Variants in CEP290 observed in about 807,000 individuals in gnomAD.
CEP290 encodes the protein centrosomal protein of 290 kDa.
CEP290 carries 317 observed loss-of-function variants against 344.9 expected under a neutral mutation model. The ratio of observed to expected loss-of-function variants is 0.92; its 90% CI spans 0.84 to 1.01. The LOEUF is 1.01. CEP290 is among the 50% of genes least tolerant of loss of function. CEP290 has a pLI of 0.00. For synonymous variants in CEP290, 932 were observed against 895.8 expected, an observed-to-expected ratio of 1.04 and a Z score of -0.72; for missense variants, 2,754 against 2,761.4, an observed-to-expected ratio of 1.00 and a Z score of 0.06.
At chr12:88,081,177 G>A (rs1413527253) in intron 37 of CEP290, among the ~76,000 whole-genome samples, 2 of 152,146 alleles carry the variant, frequency 1.3e-5, no homozygotes, top group African/African-American at 2.4e-5. Context: ...TAGCACCCCC[G>A]AGCCATGACA....
intron 13 of CEP290, among the ~76,000 whole-genome samples, chr12:88,124,556 C>T (rs549795824): frequency 2.1e-4 from 32 of 151,974 alleles, no homozygotes; most frequent in African/African-American, 7.5e-4. Flanking sequence ...TACACACACA[C>T]ATATGACATG....
chr12:88,140,854 A>G, intron 3 of CEP290, 102 bp downstream of exon 3: 1 of 687,212 alleles, frequency 1.5e-6, no homozygotes, highest in Non-Finnish European at 2.4e-6. Flanking sequence ...GTGGTGATGT[A>G]GATATTACCA....
intron 22 of CEP290, among the ~76,000 whole-genome samples, chr12:88,109,410 T>A (rs926926598): frequency 2.6e-5 from 4 of 152,168 alleles, no homozygotes; most frequent in Non-Finnish European, 5.9e-5. Flanking sequence ...AATTACCAGA[T>A]TACAAAGTTT....
chr12:88,074,963 A>T (rs1317154279), intron 41 of CEP290, among the ~76,000 whole-genome samples: 2 of 152,174 alleles, frequency 1.3e-5, no homozygotes, highest in East Asian at 3.9e-4. Context: ...ATGTAAGTAA[A>T]TGTTTCCCTG....
chr12:88,066,034 C>T (rs1339618278), intron 44 of CEP290, among the ~76,000 whole-genome samples: 5 of 152,106 alleles, frequency 3.3e-5, no homozygotes, highest in African/African-American at 1.2e-4. Flanking sequence ...GTGGAAGTCT[C>T]AAACTCTTAT....
intron 25 of CEP290, 92 bp from the exon 26 acceptor site, chr12:88,103,103 A>T (rs1010031622): frequency 3.0e-6 from 2 of 668,880 alleles, no homozygotes; most frequent in Non-Finnish European, 4.5e-6. Context: ...AACTTAAAGT[A>T]AAACGAATTT....
intron 41 of CEP290, among the ~76,000 whole-genome samples, chr12:88,073,316 T>C (rs1234746164): frequency 6.6e-6 from 1 of 152,160 alleles, no homozygotes; most frequent in Non-Finnish European, 1.5e-5. Flanking sequence ...TCATGACCCA[T>C]CAGTTGCCAA....
chr12:88,126,848 G>C (rs186517098), intron 11 of CEP290, among the ~76,000 whole-genome samples: 7 of 152,024 alleles, frequency 4.6e-5, no homozygotes, highest in African/African-American at 1.7e-4. Context: ...TCTTTAGCTA[G>C]AAGGACCAAA....
In CEP290 at chr12:88,080,221, C is replaced by T; in HGVS notation, c.5187G>A (p.Arg1729=). The T allele has an allele frequency of 6.2e-7, 1 of 1,612,194 alleles. No individual in the cohort carries two copies. The highest frequency in any genetic ancestry group is 1.1e-5 in the South Asian group (1 of 90,788). Residue 1729 remains arginine (R), a synonymous_variant, in exon 38 of 54, where the codon CGG becomes CGA. Transcript: ENST00000552810. ...PTTTMRNLVE[R]LKSQLALKEK... ...CCTTCAAGGCTAATTGGCTCTTTAG[C>T]CGTTCTACTAGATTTCTCATTGTAG...
At chr12:88,070,934 G>A (rs1178259190) in intron 43 of CEP290, among the ~76,000 whole-genome samples, 1 of 152,060 alleles carries the variant, frequency 6.6e-6, no homozygotes, top group Non-Finnish European at 1.5e-5. Flanking sequence ...CCTATTGTGA[G>A]GTACACAGGC....
intron 1 of CEP290, 104 bp from the exon 2 acceptor site, chr12:88,141,438 G>A: frequency 1.8e-6 from 1 of 545,334 alleles, no homozygotes; most frequent in East Asian, 3.6e-5. Context: ...ACTTTCTGAT[G>A]TTAGCAAAAC....
intron 6 of CEP290, among the ~76,000 whole-genome samples, chr12:88,132,458 A>G (rs1325958533): frequency 6.6e-6 from 1 of 152,220 alleles, no homozygotes; most frequent in African/African-American, 2.4e-5. Context: ...GTGTTGAATC[A>G]ATATTAAAAT....
intron 23 of CEP290, 70 bp downstream of exon 23, chr12:88,108,996 T>C: frequency 1.8e-6 from 1 of 554,874 alleles, no homozygotes. Context: ...ACATAAATTA[T>C]TCTTACGTTA....
In CEP290 at chr12:88,058,789, A is replaced by G. The variant is rs921613251; in HGVS notation, c.6818+59T>C. The G allele has an allele frequency of 1.1e-4, 177 of 1,564,502 alleles. 1 individual carries two copies. In the Middle Eastern group the frequency reaches 1.2e-3, roughly 10 times the overall value. ...TTATCCAGAATAGTGTTGTCTTTTA[A>G]AACAATGCCAAAATTTGAAATGATT... On this transcript the variant is annotated intron_variant, in intron 49 of 53. Coordinates refer to ENST00000552810, the MANE Select transcript of CEP290 (RefSeq NM_025114.4).
At chr12:88,086,585 C>T in intron 32 of CEP290, 87 bp from the exon 33 acceptor site, 5 of 831,900 alleles carry the variant, frequency 6.0e-6, no homozygotes, top group Non-Finnish European at 9.2e-6. Context: ...TTATCTAATC[C>T]TCACAACACA....
chr12:88,079,244 A>C lies in CEP290; in HGVS notation c.5227-15T>G, dbSNP rs776442779. ...CGACTAAGTGCCTAAAAATTAACCA[A>C]AAAAAAAATGTAATTTTTAAAGGAA... On this transcript the variant is annotated splice_polypyrimidine_tract_variant and intron_variant, in intron 38 of 53. Coordinates refer to ENST00000552810, the MANE Select transcript of CEP290 (RefSeq NM_025114.4). 5 of 1,555,852 alleles carry C rather than the reference A, an allele frequency of 3.2e-6. No homozygotes were observed. The highest frequency in any genetic ancestry group is 4.3e-6 in the Non-Finnish European group (5 of 1,157,032).
In CEP290 at chr12:88,058,824, AC is replaced by A. The variant is rs753400138; in HGVS notation, c.6818+23del. On this transcript the variant is annotated intron_variant, in intron 49 of 53. Transcript: ENST00000552810. ...AAAATTTGAAATGATTAAACTTTGT[AC>A]AAGTTTAAAACTCTGTTCCTACCTT... The A allele has an allele frequency of 5.0e-6, 8 of 1,607,362 alleles. No individual in the cohort carries two copies. In the Admixed American group the frequency reaches 1.4e-4, roughly 27 times the overall value.
intron 5 of CEP290, among the ~76,000 whole-genome samples, chr12:88,137,116 C>G (rs1198507678): frequency 6.6e-6 from 1 of 152,084 alleles, no homozygotes; most frequent in Non-Finnish European, 1.5e-5. Context: ...TGAGTACAAA[C>G]CATCAGAATC....
At chr12:88,087,272 C>T (rs1200746358) in intron 32 of CEP290, among the ~76,000 whole-genome samples, 1 of 151,976 alleles carries the variant, frequency 6.6e-6, no homozygotes, top group Non-Finnish European at 1.5e-5. Context: ...AATGAGGTTG[C>T]TTATGTATTG....
Sources: allele counts gnomAD v4.1 joint callset (sites outside exome capture counted in the v4.1 genomes callset), GRCh38; gene constraint gnomAD v4.1.1; transcripts MANE v1.5; gene names NCBI Gene and HGNC (gene_info 2026-07-23, HGNC 2026-07-21).